NTSR1: variants seen among roughly 807,000 people sequenced by gnomAD.
NTSR1 encodes neurotensin receptor 1.
A neutral mutation model predicts 31.2 loss-of-function variants in NTSR1; 29 were observed. That is an observed-to-expected ratio of 0.93 (90% CI 0.69 to 1.27). The LOEUF (loss-of-function observed/expected upper bound fraction) is 1.27, where lower values mean the gene tolerates loss of function less well. Among genes scored for constraint, NTSR1 ranks in the 50% most tolerant of loss-of-function variants. The pLI is 0.00. For synonymous variants in NTSR1, 282 were observed against 269.9 expected (o/e 1.04, Z -0.44); for missense variants, 697 against 595.4 (o/e 1.17, Z -1.78).
intron 1 of NTSR1, among the ~76,000 whole-genome samples, chr20:62,718,139 C>A (rs534343045): frequency 1.3e-5 from 2 of 152,298 alleles, no homozygotes; most frequent in East Asian, 3.9e-4. Flanking sequence ...TGAGAAGCCA[C>A]GGGCAGATCA....
chr20:62,754,454 T>C (rs1989444983), intron 1 of NTSR1, among the ~76,000 whole-genome samples: 1 of 152,176 alleles, frequency 6.6e-6, no homozygotes, highest in Non-Finnish European at 1.5e-5. Context: ...TGCAAACTTC[T>C]TCCCAGTCAG....
At chr20:62,731,212 G>A (rs1462326400) in intron 1 of NTSR1, among the ~76,000 whole-genome samples, 3 of 152,122 alleles carry the variant, frequency 2.0e-5, no homozygotes, top group Non-Finnish European at 4.4e-5. Context: ...AGCCTCCCGA[G>A]TAGCTGGGAT....
rs1220397588 is a variant in NTSR1 at position 62,709,528 on chromosome 20, C to G, written c.321C>G (p.Ser107Arg). 2 of 1,612,248 alleles carry G rather than the reference C, an allele frequency of 1.2e-6. No individual in the cohort carries two copies. Among genetic ancestry groups the G allele is most frequent in the African/African-American group, 2.7e-5 (2 of 74,942 alleles). The stretch of plus-strand genomic sequence containing the variant: ...GCACGGTGCATTACCACCTGGGCAG[C>G]CTGGCGCTGTCCGACCTGCTCACCC... ...LQSTVHYHLG[S>R]LALSDLLTLL... Residue 107 changes from serine to arginine, a missense_variant, in exon 1 of 4, where the codon AGC (serine) becomes AGG (arginine). Physicochemically the swap from Ser to Arg is moderately radical, Grantham distance 110. Transcript: ENST00000370501.
chr20:62,748,254 C>T (rs1443548497), intron 1 of NTSR1, among the ~76,000 whole-genome samples: 7 of 150,162 alleles, frequency 4.7e-5, no homozygotes, highest in Non-Finnish European at 1.0e-4. Context: ...AAGACCTGTA[C>T]ACTGAATATA....
chr20:62,724,546 G>T (rs1248720761), intron 1 of NTSR1, among the ~76,000 whole-genome samples: 4 of 152,232 alleles, frequency 2.6e-5, no homozygotes, highest in African/African-American at 9.6e-5. Flanking sequence ...TCAGCACAGA[G>T]ATGCTCAGAA....
intron 1 of NTSR1, among the ~76,000 whole-genome samples, chr20:62,720,171 G>A (rs946026224): frequency 2.6e-5 from 4 of 152,128 alleles, no homozygotes; most frequent in African/African-American, 9.7e-5. Flanking sequence ...GTGGTGGTGG[G>A]CACCTGTAGT....
intron 2 of NTSR1, among the ~76,000 whole-genome samples, chr20:62,755,891 C>G (rs1600737957): frequency 8.7e-6 from 1 of 114,596 alleles, no homozygotes; most frequent in East Asian, 3.0e-4. Flanking sequence ...CTCCCTCCAT[C>G]CCTCATTCCA....
rs377497165 is a variant in NTSR1, at chr20:62,709,476, G to A, written c.269G>A (p.Arg90Gln). 104 of 1,612,468 alleles carry A rather than the reference G, an allele frequency of 6.4e-5. No individual in the cohort carries two copies. The highest frequency in any genetic ancestry group is 8.9e-5 in the East Asian group (4 of 44,862). ...ACGGTGACGGCGTTCACGCTGGCGCGGAAGAAGTCGCTGCAGAGCCTGCAG... is the reference window on the plus strand; with the variant it reads ...ACGGTGACGGCGTTCACGCTGGCGCAGAAGAAGTCGCTGCAGAGCCTGCAG... ...GNTVTAFTLA[R>Q]KKSLQSLQST... The change falls in exon 1 of 4, where the codon CGG becomes CAG. Residue 90 changes from arginine to glutamine, a missense_variant. Arg to Gln is a conservative substitution (Grantham distance 43). Transcript: ENST00000370501.
At chr20:62,721,816 A>T (rs1988831131) in intron 1 of NTSR1, among the ~76,000 whole-genome samples, 1 of 152,120 alleles carries the variant, frequency 6.6e-6, no homozygotes, top group Non-Finnish European at 1.5e-5. Context: ...CGAGTATTCC[A>T]TGTTATGTCC....
At chr20:62,718,432 T>A (rs1274020080) in intron 1 of NTSR1, among the ~76,000 whole-genome samples, 1 of 152,130 alleles carries the variant, frequency 6.6e-6, no homozygotes, top group East Asian at 1.9e-4. Flanking sequence ...TGACAGGCAA[T>A]AAGATTCCCT....
intron 1 of NTSR1, among the ~76,000 whole-genome samples, chr20:62,724,205 C>A (rs1223392444): frequency 6.6e-6 from 1 of 152,220 alleles, no homozygotes; most frequent in Non-Finnish European, 1.5e-5. Flanking sequence ...AAACTGCACC[C>A]AGACCCCAGC....
intron 1 of NTSR1, among the ~76,000 whole-genome samples, chr20:62,731,359 C>T (rs1779813000): frequency 6.6e-6 from 1 of 152,218 alleles, no homozygotes; most frequent in African/African-American, 2.4e-5. Context: ...GCTGGGATTA[C>T]AAGTGTGAGC....
intron 1 of NTSR1, among the ~76,000 whole-genome samples, chr20:62,752,845 CT>C (rs1268229828): frequency 6.6e-6 from 1 of 152,142 alleles, no homozygotes. Flanking sequence ...TCACCAGCAC[CT>C]TGTTGTCCTG....
intron 1 of NTSR1, among the ~76,000 whole-genome samples, chr20:62,734,036 G>A (rs1568702357): frequency 6.6e-6 from 1 of 152,204 alleles, no homozygotes; most frequent in African/African-American, 2.4e-5. Context: ...TGAGGCTGGG[G>A]GAAGCCACTT....
At position 62,760,144 on chromosome 20, in the gene NTSR1, A is replaced by T; in HGVS notation, c.1134A>T (p.Thr378=). The stretch of plus-strand genomic sequence containing the variant: ...ACTTCCGCCACATCTTCCTGGCCAC[A>T]CTGGCCTGCCTCTGCCCGGTGTGGC... ...SANFRHIFLA[T]LACLCPVWRR... The change falls in exon 4 of 4, where the codon ACA becomes ACT. Residue 378 remains threonine, a synonymous_variant. Coordinates refer to ENST00000370501, the MANE Select transcript of NTSR1 (RefSeq NM_002531.3). 2 of 1,614,098 alleles carry T rather than the reference A, an allele frequency of 1.2e-6. No homozygotes were observed.
At chr20:62,725,364 CAGGTG>C (rs1988888260) in intron 1 of NTSR1, among the ~76,000 whole-genome samples, 2 of 152,260 alleles carry the variant, frequency 1.3e-5, no homozygotes, top group Admixed American at 6.5e-5. Context: ...GGCCTCCAGC[CAGGTG>C]AGGCCATGCG....
rs762890049 is a variant in NTSR1, at chr20:62,711,440, G to A, written c.714+1519G>A. On this transcript the variant is annotated intron_variant, in intron 1 of 3. Coordinates refer to ENST00000370501, the MANE Select transcript of NTSR1 (RefSeq NM_002531.3). This position sits in a 1 kb window ranked among gnomAD's most constrained non-coding sequence, Gnocchi z 6.4. ...GCCAGGGGGAACCTCTCCCCAGTCCGCGTGGAGGGGCCCCAGGGGCGACAG... is the reference window on the plus strand; with the variant it reads ...GCCAGGGGGAACCTCTCCCCAGTCCACGTGGAGGGGCCCCAGGGGCGACAG... Among the ~76,000 whole-genome samples the A allele has an allele frequency of 1.3e-5, 2 of 152,098 alleles. No individual in the cohort carries two copies. The highest frequency in any genetic ancestry group is 2.4e-5 in the African/African-American group (1 of 41,410).
In NTSR1 at chr20:62,709,512, AT is replaced by A. The variant is rs1988554433; in HGVS notation, c.307del (p.Tyr103ThrfsTer60). On this transcript the variant is annotated frameshift_variant, in exon 1 of 4. Transcript: ENST00000370501. LOFTEE classifies it high-confidence loss of function. Reference sequence around the variant, plus strand: ...CTGCAGAGCCTGCAGAGCACGGTGCATTACCACCTGGGCAGCCTGGCGCTGT... The same window carrying A: ...CTGCAGAGCCTGCAGAGCACGGTGCATACCACCTGGGCAGCCTGGCGCTGT... ...KSLQSLQSTV[H>X]YHLGSLALSD... The A allele has an allele frequency of 6.2e-7, 1 of 1,612,412 alleles. No homozygotes were observed. Among genetic ancestry groups the A allele is most frequent in the African/African-American group, 1.3e-5 (1 of 74,932 alleles).
chr20:62,737,697 G>A (rs547547926), intron 1 of NTSR1, among the ~76,000 whole-genome samples: 4 of 151,986 alleles, frequency 2.6e-5, no homozygotes, highest in Admixed American at 6.5e-5. Flanking sequence ...GTCCAGCCCC[G>A]GATGCAGGCC....
Sources: gnomAD v4.1 joint callset for allele counts (sites outside exome capture counted in the v4.1 genomes callset) on GRCh38, gnomAD v4.1.1 for gene constraint, Gnocchi (gnomAD v3.1) non-coding constraint, MANE v1.5 for transcripts, NCBI Gene and HGNC (gene_info 2026-07-23, HGNC 2026-07-21) for gene names.